The following SCN10A variants were observed in gnomAD, a reference collection of about 807,000 sequenced individuals.
The protein encoded by SCN10A is sodium voltage-gated channel alpha subunit 10, also known as sodium channel protein type 10 subunit alpha.
A neutral mutation model predicts 170.7 loss-of-function variants in SCN10A; 162 were observed. That is an observed-to-expected ratio of 0.95 (90% CI 0.84 to 1.08). SCN10A has a LOEUF of 1.08. Ranked by LOEUF, SCN10A falls within the 50% of genes least tolerant of loss-of-function variation. The pLI, the probability that SCN10A is intolerant of heterozygous loss-of-function variation, is 0.00. For synonymous variants in SCN10A, 985 were observed against 904.6 expected (o/e 1.09, Z -1.59); for missense variants, 2,527 against 2,436.9 (o/e 1.04, Z -0.78).
At chr3:38,801,273 T>G (rs2064369129) in intron 1 of SCN10A, among the ~76,000 whole-genome samples, 7 of 152,164 alleles carry the variant, frequency 4.6e-5, no homozygotes, top group Admixed American at 4.6e-4. Flanking sequence ...TTCACAACAG[T>G]AACAACAGCA....
At chr3:38,760,897 T>C (rs1041786024) in intron 7 of SCN10A, 150 bp from the exon 8 acceptor site, 1 of 667,562 alleles carries the variant, frequency 1.5e-6, no homozygotes, top group Non-Finnish European at 2.6e-6. Context: ...ATGGAAGTTG[T>C]AAAGTCACAT....
At chr3:38,786,976 A>G (rs1051460966) in intron 4 of SCN10A, among the ~76,000 whole-genome samples, 1 of 152,190 alleles carries the variant, frequency 6.6e-6, no homozygotes, top group Non-Finnish European at 1.5e-5. Context: ...TTCTTCCTCA[A>G]AAGTTTCTTG....
chr3:38,762,155 G>A (rs2126033175), intron 6 of SCN10A, among the ~76,000 whole-genome samples: 1 of 152,278 alleles, frequency 6.6e-6, no homozygotes, highest in African/African-American at 2.4e-5. Flanking sequence ...TCTGACCAGG[G>A]AAGCAATCTA....
chr3:38,803,534 G>A (rs1234070336), intron 1 of SCN10A, among the ~76,000 whole-genome samples: 1 of 151,688 alleles, frequency 6.6e-6, no homozygotes, highest in East Asian at 1.9e-4. Context: ...ATCATTCTCA[G>A]CAAACTATCG....
Position 38,709,543 on chromosome 3 carries a change from C to A in SCN10A, c.4216G>T (p.Gly1406Cys), listed in dbSNP as rs1417665800. ...ACAAAGAGATTCAGTGTGAAGAAGC[C>A]TCCAAAAATGATGAAGATGACAAAG... Reference protein sequence around the residue: ...LYFVIFIIFGGFFTLNLFVGV... With the variant: ...LYFVIFIIFGCFFTLNLFVGV... Residue 1406 changes from glycine (G) to cysteine (C), a missense_variant, in exon 25 of 28, where the codon GGC becomes TGC. By Grantham distance (159) the Gly-to-Cys change is radical. Transcript: ENST00000449082. 1 of 1,613,110 alleles carries A rather than the reference C, an allele frequency of 6.2e-7. No individual in the cohort carries two copies. The highest frequency in any genetic ancestry group is 1.1e-5 in the South Asian group (1 of 90,808).
chr3:38,761,473 A>T, intron 6 of SCN10A, 90 bp from the exon 7 acceptor site: 9 of 1,165,774 alleles, frequency 7.7e-6, no homozygotes, highest in Non-Finnish European at 1.1e-5. Flanking sequence ...CTTCATCTCT[A>T]CATACAGGAG....
At chr3:38,795,454 C>T (rs1479449085) in intron 1 of SCN10A, among the ~76,000 whole-genome samples, 3 of 151,264 alleles carry the variant, frequency 2.0e-5, no homozygotes. Flanking sequence ...AATTCTCCCA[C>T]CTCAGCCTCC....
At chr3:38,719,460 C>T (rs1440495320) in intron 20 of SCN10A, among the ~76,000 whole-genome samples, 1 of 141,066 alleles carries the variant, frequency 7.1e-6, no homozygotes, top group Non-Finnish European at 1.5e-5. Flanking sequence ...GTAGCGGGAT[C>T]TCGGCTCACT....
At chr3:38,751,132 C>T (rs1178722096) in intron 12 of SCN10A, among the ~76,000 whole-genome samples, 1 of 152,182 alleles carries the variant, frequency 6.6e-6, no homozygotes, top group Admixed American at 6.5e-5. Context: ...CAGGTATTTT[C>T]CCCTGGCTTC....
intron 17 of SCN10A, 152 bp downstream of exon 17, chr3:38,726,454 C>T: frequency 1.7e-6 from 1 of 596,648 alleles, no homozygotes; most frequent in Non-Finnish European, 2.8e-6. Context: ...TTCTTCCAGG[C>T]CCTGCTCAAA....
chr3:38,809,954 G>T (rs1375014323), intron 1 of SCN10A, among the ~76,000 whole-genome samples: 1 of 152,166 alleles, frequency 6.6e-6, no homozygotes, highest in Non-Finnish European at 1.5e-5. Context: ...GGAAGCTGTA[G>T]GTAGAGTGTT....
At chr3:38,735,184 A>G (rs1235013938) in intron 15 of SCN10A, among the ~76,000 whole-genome samples, 4 of 151,518 alleles carry the variant, frequency 2.6e-5, no homozygotes, top group Non-Finnish European at 5.9e-5. Context: ...AAAAAAAAAA[A>G]AAAAAGAAAG....
chr3:38,806,660 C>T (rs2064407093), intron 1 of SCN10A, among the ~76,000 whole-genome samples: 1 of 152,082 alleles, frequency 6.6e-6, no homozygotes, highest in Admixed American at 6.6e-5. Context: ...TATATGGAAG[C>T]ATTATGTAAG....
chr3:38,705,738 A>G (rs2063203761), intron 26 of SCN10A, among the ~76,000 whole-genome samples: 4 of 151,990 alleles, frequency 2.6e-5, no homozygotes, highest in Admixed American at 2.6e-4. Flanking sequence ...AAAAACTTTC[A>G]TGTTTTTGCC....
At chr3:38,767,129 T>G (rs1364424880) in intron 5 of SCN10A, among the ~76,000 whole-genome samples, 2 of 152,078 alleles carry the variant, frequency 1.3e-5, no homozygotes, top group Non-Finnish European at 2.9e-5. Context: ...TCTCTTCTTT[T>G]CTTGGTTAAT....
intron 25 of SCN10A, among the ~76,000 whole-genome samples, chr3:38,708,891 C>T (rs1006013506): frequency 7.2e-5 from 11 of 152,180 alleles, no homozygotes; most frequent in African/African-American, 2.2e-4. Context: ...TCTAGAACAG[C>T]GCCTATCTAC....
chr3:38,743,013 T>C (rs2063650579), intron 13 of SCN10A, among the ~76,000 whole-genome samples: 1 of 152,218 alleles, frequency 6.6e-6, no homozygotes, highest in African/African-American at 2.4e-5. Flanking sequence ...TAGAGATCTG[T>C]GAGCCCCAGC....
intron 14 of SCN10A, among the ~76,000 whole-genome samples, chr3:38,741,396 A>G (rs568759555): frequency 6.6e-6 from 1 of 152,246 alleles, no homozygotes; most frequent in East Asian, 1.9e-4. Context: ...CTGGGTTCAA[A>G]TTCTGATGTG....
chr3:38,700,560 G>T (rs1216090070), intron 27 of SCN10A, among the ~76,000 whole-genome samples: 1 of 152,216 alleles, frequency 6.6e-6, no homozygotes, highest in African/African-American at 2.4e-5. Flanking sequence ...AACTCATAAA[G>T]TTGTGTACAT....
Sources: allele counts gnomAD v4.1 joint callset (sites outside exome capture counted in the v4.1 genomes callset), GRCh38; gene constraint gnomAD v4.1.1; transcripts MANE v1.5; gene names NCBI Gene and HGNC (gene_info 2026-07-23, HGNC 2026-07-21).